BRD7: variants seen among roughly 807,000 people sequenced by gnomAD.
The protein encoded by BRD7 is bromodomain-containing protein 7.
Under a neutral mutation model 82.1 loss-of-function variants are expected in BRD7, and 15 were observed. That is an observed-to-expected ratio of 0.18 (90% CI 0.12 to 0.28). BRD7 has a LOEUF of 0.28. Ranked by LOEUF, BRD7 falls within the 10% of genes least tolerant of loss-of-function variation. The probability of loss-of-function intolerance (pLI) is 1.00; values close to 1 mark genes in which losing one functional copy is unlikely to be tolerated. For missense variants in BRD7, 638 were observed against 779.9 expected, an observed-to-expected ratio of 0.82 and a Z score of 2.17; for synonymous variants, 232 against 266.9, an observed-to-expected ratio of 0.87 and a Z score of 1.27.
intron 5 of BRD7, chr16:50,349,302 G>A (rs1166882784): frequency 3.7e-6 from 1 of 271,690 alleles, no homozygotes; most frequent in South Asian, 3.3e-5. Context: ...TGTAAATGAT[G>A]AGTTAATGGG....
intron 2 of BRD7, chr16:50,361,794 T>C (rs1278525693): frequency 1.3e-5 from 2 of 152,222 alleles, no homozygotes; most frequent in Admixed American, 1.3e-4. Flanking sequence ...AGACTTACTT[T>C]ATGTCCCCTA....
At position 50,339,037 on chromosome 16, in the gene BRD7, G is replaced by A. The variant is rs140882550; in HGVS notation, c.702+939C>T. Among the ~76,000 whole-genome samples, 227 of 152,316 alleles carry A rather than the reference G, an allele frequency of 1.5e-3. 2 individuals carry two copies. The highest frequency in any genetic ancestry group is 5.1e-3 in the African/African-American group (214 of 41,566). On this transcript the variant is annotated intron_variant, in intron 6 of 16. Transcript: ENST00000394688. ...CCTTCAAAGCCTTTTATCAACTGTC[G>A]TCCTGGGGACACTAGTAATTTTTTG...
intron 2 of BRD7, among the ~76,000 whole-genome samples, chr16:50,364,261 TCATA>T (rs2039051941): frequency 6.6e-6 from 1 of 152,122 alleles, no homozygotes; most frequent in Admixed American, 6.5e-5. Flanking sequence ...TCCCTCAGAA[TCATA>T]CATACTCTAG....
intron 2 of BRD7, among the ~76,000 whole-genome samples, chr16:50,364,110 G>A (rs2039047027): frequency 6.6e-6 from 1 of 151,172 alleles, no homozygotes; most frequent in Non-Finnish European, 1.5e-5. Context: ...CTCCCTATCA[G>A]CTAAGGTGAC....
rs540901030 is a variant in BRD7, at chr16:50,352,754, G to T, written c.446+1671C>A. ...ACAGGCATTCTAATTGGGGTGAGGT[G>T]ATTTTGACTTGCATTTCTCTGATTA... On this transcript the variant is annotated intron_variant, in intron 4 of 16. Transcript: ENST00000394688. Among the ~76,000 whole-genome samples, 5 of 146,482 alleles carry T rather than the reference G, an allele frequency of 3.4e-5. No individual in the cohort carries two copies. The South Asian group carries it at 1.1e-3, about 32-fold the overall frequency.
chr16:50,320,540 T>C (rs2037053986), intron 14 of BRD7, 123 bp downstream of exon 14: 2 of 1,413,758 alleles, frequency 1.4e-6, no homozygotes, highest in Non-Finnish European at 2.0e-6. Context: ...TACCCATTCA[T>C]TTAACTTGGT....
intron 2 of BRD7, among the ~76,000 whole-genome samples, chr16:50,358,148 G>C (rs1398858348): frequency 1.3e-5 from 2 of 152,100 alleles, no homozygotes; most frequent in African/African-American, 2.4e-5. Context: ...GAATTAATTT[G>C]GTTGTGTTTC....
At chr16:50,349,339 T>C (rs1249413078) in intron 5 of BRD7, 1 of 324,382 alleles carries the variant, frequency 3.1e-6, no homozygotes, top group African/African-American at 2.2e-5. Context: ...GGCACATGAA[T>C]ATATATGTAA....
intron 11 of BRD7, among the ~76,000 whole-genome samples, chr16:50,323,926 A>G (rs1226328856): frequency 1.3e-5 from 2 of 152,218 alleles, no homozygotes; most frequent in Non-Finnish European, 2.9e-5. Flanking sequence ...AACCTCAGTG[A>G]CGGGTGCAGG....
intron 1 of BRD7, 164 bp from the exon 2 acceptor site, chr16:50,368,462 G>A: frequency 1.2e-6 from 1 of 849,270 alleles, no homozygotes; most frequent in Non-Finnish European, 1.8e-6. Context: ...GGGTGCGGCG[G>A]CGCCGCCCGC....
chr16:50,325,528 T>A (rs7193683), intron 11 of BRD7, among the ~76,000 whole-genome samples: 36,698 of 151,934 alleles, frequency 0.24, 4,755 homozygotes, highest in African/African-American at 0.31. Flanking sequence ...ATATATTTTT[T>A]AAAAATTAAA....
intron 2 of BRD7, among the ~76,000 whole-genome samples, chr16:50,355,476 G>A (rs1364250934): frequency 2.6e-5 from 4 of 152,182 alleles, no homozygotes; most frequent in African/African-American, 4.8e-5. Context: ...TTTGTATAAC[G>A]TGATAATAAG....
intron 7 of BRD7, 29 bp downstream of exon 7, chr16:50,334,682 T>G (rs1406548305): frequency 6.2e-7 from 1 of 1,609,294 alleles, no homozygotes; most frequent in Non-Finnish European, 8.5e-7. Flanking sequence ...AGAAGACAGT[T>G]TGACCTTAAC....
At position 50,347,950 on chromosome 16, in the gene BRD7, C is replaced by A. The variant is rs1408770501; in HGVS notation, c.591+2073G>T. ...GGAACCAAAAAAGAGCCTGCATTGC[C>A]AAGTCAATCCTAAGCCAAAAGAACA... On this transcript the variant is annotated intron_variant, in intron 5 of 16. Coordinates refer to ENST00000394688, the MANE Select transcript of BRD7 (RefSeq NM_013263.5). Among the ~76,000 whole-genome samples, 3 of 152,250 alleles carry A rather than the reference C, an allele frequency of 2.0e-5. No individual in the cohort carries two copies. In the East Asian group the frequency reaches 5.8e-4, roughly 29 times the overall value.
In BRD7 at chr16:50,325,796, A is replaced by G. The variant is rs556579264; in HGVS notation, c.1283T>C (p.Leu428Ser). The change falls in exon 11 of 17, where the codon TTA (leucine) becomes TCA (serine). Residue 428 changes from leucine (L) to serine (S), a missense_variant. Around this residue, in one of 3 missense-constraint regions of BRD7, gnomAD observed 402 missense variants for 500.8 expected, o/e 0.80. Transcript: ENST00000394688. Reference sequence around the variant, plus strand: ...GTCTTCCCCATAGGTTGAATAGATTAAATCAGAATCATCCTTGCTGATATT... The same window carrying G: ...GTCTTCCCCATAGGTTGAATAGATTGAATCAGAATCATCCTTGCTGATATT... The part of the protein sequence containing the change: ...FANISKDDSD[L>S]IYSTYGEDSD... 1.2e-6 allele frequency: 2 copies of G among 1,611,698 alleles called. No individual in the cohort carries two copies. Among genetic ancestry groups the G allele is most frequent in the East Asian group, 2.2e-5 (1 of 44,804 alleles).
chr16:50,349,463 C>T (rs1430103052), intron 5 of BRD7: 1 of 438,906 alleles, frequency 2.3e-6, no homozygotes, highest in African/African-American at 2.1e-5. Context: ...TCCCCCTTCA[C>T]TCTCTCCTGC....
At chr16:50,319,653 T>TTTTTC in intron 16 of BRD7, among the ~76,000 whole-genome samples, 1 of 152,190 alleles carries the variant, frequency 6.6e-6, no homozygotes, top group Non-Finnish European at 1.5e-5. Context: ...AAATACAGTC[T>TTTTTC]ATTAACTACA....
rs1280219660 is a variant in BRD7 at position 50,318,135 on chromosome 16, A to ATATC, written c.*1072_*1075dup. 6.6e-6 allele frequency: 1 copy of ATATC among 152,274 alleles called. No homozygotes were observed. Among genetic ancestry groups the ATATC allele is most frequent in the African/African-American group, 2.4e-5 (1 of 41,462 alleles). 9.4% of individuals were successfully genotyped at this position (152,274 alleles called of 1,614,324 possible). A position where few individuals can be genotyped will look rare whatever the true frequency, so the allele number is the denominator to read the frequency against. The stretch of plus-strand genomic sequence containing the variant: ...TAAATTAGCAATTTGAAAAACTCAA[A>ATATC]TATCTGAAGGTATTTTATTTTCGTG... On this transcript the variant is annotated 3_prime_UTR_variant, in exon 17 of 17. Coordinates refer to ENST00000394688, the MANE Select transcript of BRD7 (RefSeq NM_013263.5).
intron 2 of BRD7, among the ~76,000 whole-genome samples, chr16:50,366,197 A>C (rs2039137418): frequency 6.6e-6 from 1 of 152,226 alleles, no homozygotes; most frequent in East Asian, 1.9e-4. Flanking sequence ...GTTAGAACTT[A>C]TAAAATCTAC....
Sources: allele counts gnomAD v4.1 joint callset (sites outside exome capture counted in the v4.1 genomes callset), GRCh38; gene constraint gnomAD v4.1.1; regional missense constraint gnomAD v4.1.1; transcripts MANE v1.5; gene names NCBI Gene and HGNC (gene_info 2026-07-23, HGNC 2026-07-21).